The following CNOT8 variants were observed in gnomAD, a reference collection of about 807,000 sequenced individuals.
CNOT8 encodes the protein CCR4-NOT transcription complex subunit 8, also known as CAF1-like protein.
In CNOT8, 18 loss-of-function variants were observed where a neutral mutation model predicts 34.6. The ratio of observed to expected loss-of-function variants is 0.52; its 90% CI spans 0.36 to 0.77. The LOEUF is 0.77. Among genes scored for constraint, CNOT8 ranks in the 30% least tolerant of loss-of-function variants. The pLI, the probability that CNOT8 is intolerant of heterozygous loss-of-function variation, is 0.00. For synonymous variants in CNOT8, 101 were observed against 118.8 expected, an observed-to-expected ratio of 0.85 and a Z score of 0.98; for missense variants, 189 against 347.9, an observed-to-expected ratio of 0.54 and a Z score of 3.63.
chr5:154,863,381 A>G lies in CNOT8; in HGVS notation c.103A>G (p.Ser35Gly), dbSNP rs540005790. The G allele has an allele frequency of 6.2e-7, 1 of 1,611,102 alleles. No homozygotes were observed. Among genetic ancestry groups the G allele is most frequent in the Non-Finnish European group, 8.5e-7 (1 of 1,177,250 alleles). The change falls in exon 2 of 7, where the codon AGT becomes GGT. Residue 35 changes from serine (S) to glycine (G), a missense_variant. Transcript: ENST00000285896. ...RKIREIVLSYSYIAMDTEFPG... is the reference protein window; with the variant it reads ...RKIREIVLSYGYIAMDTEFPG... ...GATCCGAGAAATCGTGCTCAGTTAC[A>G]GTTATATTGCCATGGTAAGGAGCTC...
chr5:154,863,263 C>A lies in CNOT8; in HGVS notation c.-16C>A. 1 of 1,592,626 alleles carries A rather than the reference C, an allele frequency of 6.3e-7. No individual in the cohort carries two copies. The highest frequency in any genetic ancestry group is 8.6e-7 in the Non-Finnish European group (1 of 1,160,276). On this transcript the variant is annotated 5_prime_UTR_variant, in exon 2 of 7. Coordinates refer to ENST00000285896, the MANE Select transcript of CNOT8 (RefSeq NM_001301073.2). ...AAAACTAGTTAGCTGAAGACGACTT[C>A]TCAGGTTTCTTCAGGATGCCTGCAG...
At chr5:154,864,532 C>G (rs1272599062) in intron 2 of CNOT8, among the ~76,000 whole-genome samples, 1 of 151,886 alleles carries the variant, frequency 6.6e-6, no homozygotes, top group Non-Finnish European at 1.5e-5. Flanking sequence ...TTCACTCAAG[C>G]TAAGCCTGTC....
chr5:154,870,615 C>T (rs1762400333), intron 3 of CNOT8, 46 bp from the exon 4 acceptor site: 1 of 1,510,614 alleles, frequency 6.6e-7, no homozygotes, highest in Non-Finnish European at 9.1e-7. Flanking sequence ...GCCACTACTT[C>T]TGTTTCATTA....
At chr5:154,867,630 C>T in intron 3 of CNOT8, 1 of 252,656 alleles carries the variant, frequency 4.0e-6, no homozygotes, top group African/African-American at 2.3e-5. Flanking sequence ...TTCATGGAAG[C>T]ATTAGGGAAA....
chr5:154,873,382 C>T (rs1262483365), intron 6 of CNOT8, among the ~76,000 whole-genome samples: 1 of 152,204 alleles, frequency 6.6e-6, no homozygotes, highest in Admixed American at 6.5e-5. Context: ...TTCTTGTCAG[C>T]TCTAATCCTT....
Position 154,872,651 on chromosome 5 carries a change from G to A in CNOT8, c.729G>A (p.Glu243=). The A allele has an allele frequency of 6.2e-7, 1 of 1,600,788 alleles. No individual in the cohort carries two copies. The highest frequency in any genetic ancestry group is 1.7e-5 in the Admixed American group (1 of 59,490). ...GAATGGCTTTCTTTAGGATGAAAGA[G>A]GTAAGCTTCCTTGAATGTGATCACA... The part of the protein sequence containing the change: ...LTGMAFFRMK[E]LFFEDSIDDA... The change falls in exon 6 of 7, where the codon GAG becomes GAA. Residue 243 remains glutamate, a splice_region_variant and synonymous_variant. Coordinates refer to ENST00000285896, the MANE Select transcript of CNOT8 (RefSeq NM_001301073.2).
At chr5:154,865,074 A>C in intron 2 of CNOT8, 118 bp from the exon 3 acceptor site, 1 of 880,738 alleles carries the variant, frequency 1.1e-6, no homozygotes, top group Non-Finnish European at 1.8e-6. Flanking sequence ...TTTTGTGCCC[A>C]AGTTTGGGGC....
At chr5:154,862,363 G>T (rs1412878744) in intron 1 of CNOT8, among the ~76,000 whole-genome samples, 1 of 152,070 alleles carries the variant, frequency 6.6e-6, no homozygotes, top group African/African-American at 2.4e-5. Context: ...CCAGCTACTT[G>T]GGTGGCTGAG....
Position 154,864,353 on chromosome 5 carries a change from G to A in CNOT8, c.118-839G>A, listed in dbSNP as rs188940566. Among the ~76,000 whole-genome samples, 711 of 152,080 alleles carry A rather than the reference G, an allele frequency of 4.7e-3. 8 individuals are homozygous for A. The highest frequency in any genetic ancestry group is 0.024 in the East Asian group (126 of 5,160). On this transcript the variant is annotated intron_variant, in intron 2 of 6. Coordinates refer to ENST00000285896, the MANE Select transcript of CNOT8 (RefSeq NM_001301073.2). ...TGGGCGCCTGTAGTCCCAGCTACTC[G>A]GGAGGCTGAGGCAGAGAATGCGTGA...
At chr5:154,866,476 A>T (rs181142340) in intron 3 of CNOT8, among the ~76,000 whole-genome samples, 1 of 152,328 alleles carries the variant, frequency 6.6e-6, no homozygotes, top group East Asian at 1.9e-4. Flanking sequence ...TTGGGAGATC[A>T]TCTGGATCTT....
At chr5:154,872,281 T>C (rs1177058178) in intron 5 of CNOT8, among the ~76,000 whole-genome samples, 1 of 152,224 alleles carries the variant, frequency 6.6e-6, no homozygotes, top group Non-Finnish European at 1.5e-5. Flanking sequence ...TACTATTTCC[T>C]CAGCCTTGCA....
In CNOT8 at chr5:154,865,314, A is replaced by G. The variant is rs1761764530; in HGVS notation, c.240A>G (p.Thr80=). The G allele has an allele frequency of 6.2e-7, 1 of 1,613,346 alleles. No individual in the cohort carries two copies. Among genetic ancestry groups the G allele is most frequent in the Non-Finnish European group, 8.5e-7 (1 of 1,179,836 alleles). The part of the protein sequence containing the change: ...DLLKIIQLGL[T]FTNEKGEYPS... ...TAAAAATTATCCAGCTGGGCCTTAC[A>G]TTCACAAATGAGAAGGGAGAGTATC... is the stretch of plus-strand genomic sequence containing the variant. The change falls in exon 3 of 7, where the codon ACA becomes ACG. Residue 80 remains threonine, a synonymous_variant. Transcript: ENST00000285896.
intron 1 of CNOT8, among the ~76,000 whole-genome samples, chr5:154,862,217 T>C (rs1442179907): frequency 1.3e-5 from 2 of 152,068 alleles, no homozygotes; most frequent in Non-Finnish European, 2.9e-5. Context: ...TTCTTTTTAA[T>C]TTATGTGTTT....
chr5:154,863,844 C>T (rs993613291), intron 2 of CNOT8, among the ~76,000 whole-genome samples: 1 of 151,854 alleles, frequency 6.6e-6, no homozygotes, highest in African/African-American at 2.4e-5. Context: ...AGCTGTTCCA[C>T]AGATATGTTG....
At chr5:154,861,977 C>T (rs937935133) in intron 1 of CNOT8, among the ~76,000 whole-genome samples, 2 of 152,180 alleles carry the variant, frequency 1.3e-5, no homozygotes, top group African/African-American at 4.8e-5. Flanking sequence ...AGATTATAGG[C>T]GTGAGCCACC....
At chr5:154,861,462 T>A (rs1280039636) in intron 1 of CNOT8, among the ~76,000 whole-genome samples, 1 of 152,230 alleles carries the variant, frequency 6.6e-6, no homozygotes, top group African/African-American at 2.4e-5. Context: ...TCTCAGAAGT[T>A]TCTTAGAGAA....
chr5:154,869,450 T>C (rs1238979800), intron 3 of CNOT8, among the ~76,000 whole-genome samples: 2 of 148,538 alleles, frequency 1.3e-5, no homozygotes, highest in Non-Finnish European at 3.0e-5. Context: ...TTTTTAAGTT[T>C]ATTTATTTTT....
intron 4 of CNOT8, among the ~76,000 whole-genome samples, chr5:154,871,040 A>G (rs1371921262): frequency 2.0e-5 from 3 of 152,158 alleles, no homozygotes; most frequent in African/African-American, 7.2e-5. Context: ...TCATGTGGCT[A>G]TCAGTGGGTT....
At chr5:154,872,682 C>G in intron 6 of CNOT8, 31 bp downstream of exon 6, 11 of 1,412,224 alleles carry the variant, frequency 7.8e-6, no homozygotes, top group Non-Finnish European at 1.1e-5. Context: ...TCACAGGCCT[C>G]TCGGCAGTAA....
Sources: gnomAD v4.1 joint callset for allele counts (sites outside exome capture counted in the v4.1 genomes callset) on GRCh38, gnomAD v4.1.1 for gene constraint, MANE v1.5 for transcripts, NCBI Gene and HGNC (gene_info 2026-07-23, HGNC 2026-07-21) for gene names.